The following CADM2 variants were observed in gnomAD, a reference collection of about 807,000 sequenced individuals.
CADM2 encodes cell adhesion molecule 2, also known as immunoglobulin superfamily member 4D.
Under a neutral mutation model 49.8 loss-of-function variants are expected in CADM2, and 12 were observed. The ratio of observed to expected loss-of-function variants is 0.24; its 90% CI spans 0.15 to 0.39. The LOEUF is 0.39. Ranked by LOEUF, CADM2 falls within the 10% of genes least tolerant of loss-of-function variation. The pLI, the probability that CADM2 is intolerant of heterozygous loss-of-function variation, is 1.00. For missense variants in CADM2, 378 were observed against 492.3 expected, an observed-to-expected ratio of 0.77 and a Z score of 2.20; for synonymous variants, 214 against 175.4, an observed-to-expected ratio of 1.22 and a Z score of -1.74.
At position 86,068,093 on chromosome 3, in the gene CADM2, T is replaced by TA; in HGVS notation, c.*1311dup. ...AGAAGTGTTTAAGATATGTTTTCTGTATAAATGAACTAATTCTTTATATTA... is the reference window on the plus strand; with the variant it reads ...AGAAGTGTTTAAGATATGTTTTCTGTAATAAATGAACTAATTCTTTATATTA... On this transcript the variant is annotated 3_prime_UTR_variant, in exon 10 of 10. Coordinates refer to ENST00000383699, the MANE Select transcript of CADM2 (RefSeq NM_001167675.2). The TA allele has an allele frequency of 2.6e-5, 4 of 152,586 alleles. No homozygotes were observed. The Middle Eastern group carries it at 0.01, about 389-fold the overall frequency. The allele number at this position is 152,586 out of a possible 1,614,324, so 9.5% of individuals were successfully genotyped here.
intron 1 of CADM2, among the ~76,000 whole-genome samples, chr3:85,526,110 C>T (rs1387290841): frequency 1.3e-5 from 2 of 151,834 alleles, no homozygotes; most frequent in African/African-American, 2.4e-5. Flanking sequence ...ATTTCCTGTT[C>T]CTCTAGTGGA....
intron 3 of CADM2, among the ~76,000 whole-genome samples, chr3:85,867,030 A>G (rs1200194709): frequency 6.6e-6 from 1 of 152,184 alleles, no homozygotes; most frequent in East Asian, 1.9e-4. Context: ...TCTAAGAGGG[A>G]TAATATATAA....
chr3:85,218,936 C>G (rs2041989535), intron 1 of CADM2, among the ~76,000 whole-genome samples: 1 of 152,122 alleles, frequency 6.6e-6, no homozygotes. Flanking sequence ...TCTATCTTAC[C>G]TTTTGGTTGA....
At chr3:85,041,570 G>C (rs923769127) in intron 1 of CADM2, among the ~76,000 whole-genome samples, 5 of 152,036 alleles carry the variant, frequency 3.3e-5, no homozygotes, top group South Asian at 2.1e-4. Context: ...GTTCTGTTTT[G>C]TCTTCCAGGT....
At chr3:85,446,588 G>A (rs1048514135) in intron 1 of CADM2, among the ~76,000 whole-genome samples, 2 of 136,556 alleles carry the variant, frequency 1.5e-5, no homozygotes, top group African/African-American at 5.1e-5. Flanking sequence ...GTGTGTGTGA[G>A]TTTTTTTTGT....
At chr3:86,024,991 GC>G (rs951176265) in intron 8 of CADM2, among the ~76,000 whole-genome samples, 2 of 151,770 alleles carry the variant, frequency 1.3e-5, no homozygotes, top group Non-Finnish European at 2.9e-5. Flanking sequence ...CGATTCTCAT[GC>G]CTTGGCCTTC....
chr3:85,292,648 C>T (rs2043833858), intron 1 of CADM2, among the ~76,000 whole-genome samples: 1 of 151,134 alleles, frequency 6.6e-6, no homozygotes, highest in Non-Finnish European at 1.5e-5. Context: ...CTCAAAACCG[C>T]TCAACTACAT....
chr3:85,835,070 A>C (rs2074347345), intron 3 of CADM2, among the ~76,000 whole-genome samples: 1 of 151,620 alleles, frequency 6.6e-6, no homozygotes, highest in African/African-American at 2.4e-5. Context: ...ATAAGATAAA[A>C]GAGTAAAGAA....
intron 8 of CADM2, among the ~76,000 whole-genome samples, chr3:85,998,892 T>A: frequency 6.6e-6 from 1 of 152,184 alleles, no homozygotes; most frequent in Non-Finnish European, 1.5e-5. Context: ...ACAGATTTTT[T>A]AACCAATTAA....
At chr3:84,986,430 T>C (rs1027562423) in intron 1 of CADM2, among the ~76,000 whole-genome samples, 1 of 152,172 alleles carries the variant, frequency 6.6e-6, no homozygotes, top group African/African-American at 2.4e-5. Flanking sequence ...CAAATGAATA[T>C]AGAAAGAAGG....
chr3:85,485,925 A>C (rs190771415), intron 1 of CADM2, among the ~76,000 whole-genome samples: 1 of 152,034 alleles, frequency 6.6e-6, no homozygotes, highest in Admixed American at 6.6e-5. Flanking sequence ...CCCTGCTAGC[A>C]TCAGGATCAG....
At chr3:85,948,669 A>G (rs1723033849) in intron 7 of CADM2, among the ~76,000 whole-genome samples, 2 of 151,592 alleles carry the variant, frequency 1.3e-5, no homozygotes, top group East Asian at 3.9e-4. Context: ...ATCCAGGTAT[A>G]CAAAACTCAA....
chr3:85,785,183 A>G (rs1338615150), intron 2 of CADM2, among the ~76,000 whole-genome samples: 1 of 151,900 alleles, frequency 6.6e-6, no homozygotes, highest in Non-Finnish European at 1.5e-5. Flanking sequence ...GTTTTCCTCA[A>G]TCTGGCTAAA....
At chr3:85,402,302 A>AT (rs935781875) in intron 1 of CADM2, among the ~76,000 whole-genome samples, 9 of 151,900 alleles carry the variant, frequency 5.9e-5, no homozygotes, top group African/African-American at 1.4e-4. Flanking sequence ...TAGTAGGTAG[A>AT]TTTTTTTAAA....
chr3:85,985,784 A>G (rs975908490), intron 8 of CADM2, among the ~76,000 whole-genome samples: 2 of 151,954 alleles, frequency 1.3e-5, no homozygotes, highest in African/African-American at 2.4e-5. Flanking sequence ...TGACTTGTAA[A>G]AAAAAATCAT....
At chr3:85,254,767 G>C (rs1003602447) in intron 1 of CADM2, among the ~76,000 whole-genome samples, 1 of 152,056 alleles carries the variant, frequency 6.6e-6, no homozygotes, top group Non-Finnish European at 1.5e-5. Flanking sequence ...AAGAAGGTTG[G>C]GGGTGAGTGG....
At chr3:85,173,389 A>G (rs1330729063) in intron 1 of CADM2, among the ~76,000 whole-genome samples, 1 of 152,160 alleles carries the variant, frequency 6.6e-6, no homozygotes, top group African/African-American at 2.4e-5. Flanking sequence ...TCATGTAACA[A>G]TAGGGGATAT....
At chr3:85,219,929 A>T (rs1376254705) in intron 1 of CADM2, among the ~76,000 whole-genome samples, 1 of 152,170 alleles carries the variant, frequency 6.6e-6, no homozygotes, top group African/African-American at 2.4e-5. Context: ...TTTAAGCTTC[A>T]TGGAGTTTTG....
chr3:85,818,525 A>G (rs780018874), intron 3 of CADM2, among the ~76,000 whole-genome samples: 1 of 152,070 alleles, frequency 6.6e-6, no homozygotes, highest in African/African-American at 2.4e-5. Flanking sequence ...TTTGTTTATT[A>G]CCTCCTCACT....
Sources: gnomAD v4.1 joint callset for allele counts (sites outside exome capture counted in the v4.1 genomes callset) on GRCh38, gnomAD v4.1.1 for gene constraint, MANE v1.5 for transcripts, NCBI Gene and HGNC (gene_info 2026-07-23, HGNC 2026-07-21) for gene names.